The following GRIN2A variants were observed in gnomAD, a reference collection of about 807,000 sequenced individuals.
GRIN2A encodes the protein glutamate receptor ionotropic, NMDA 2A.
In GRIN2A, 22 loss-of-function variants were observed where a neutral mutation model predicts 113.4. The observed-to-expected ratio is 0.19, with a 90% CI of 0.14 to 0.28. The LOEUF (loss-of-function observed/expected upper bound fraction) is 0.28, where lower values mean the gene tolerates loss of function less well. Ranked by LOEUF, GRIN2A falls within the 10% of genes least tolerant of loss-of-function variation. GRIN2A has a pLI of 1.00. For synonymous variants in GRIN2A, 827 were observed against 738.4 expected, an observed-to-expected ratio of 1.12 and a Z score of -1.94; for missense variants, 1,502 against 1,887.0, an observed-to-expected ratio of 0.80 and a Z score of 3.78.
At chr16:10,087,320 G>C (rs542639130) in intron 2 of GRIN2A, among the ~76,000 whole-genome samples, 1 of 152,220 alleles carries the variant, frequency 6.6e-6, no homozygotes. Context: ...CCTCCCTACT[G>C]GACAATTGGA....
intron 10 of GRIN2A, among the ~76,000 whole-genome samples, chr16:9,805,272 T>C (rs144924205): frequency 1.3e-5 from 2 of 152,350 alleles, no homozygotes; most frequent in East Asian, 3.9e-4. Context: ...TATGCATGTT[T>C]GCAGATGCTC....
intron 11 of GRIN2A, among the ~76,000 whole-genome samples, chr16:9,773,576 TTTGGGGTTGCAG>T (rs1240001598): frequency 2.0e-5 from 3 of 152,092 alleles, no homozygotes; most frequent in Admixed American, 6.6e-5. Flanking sequence ...CCTGGGAAGT[TTTGGGGTTGCAG>T]TCAAACCACA....
At chr16:10,047,588 G>C (rs1757646746) in intron 2 of GRIN2A, among the ~76,000 whole-genome samples, 1 of 152,180 alleles carries the variant, frequency 6.6e-6, no homozygotes, top group South Asian at 2.1e-4. Context: ...TGCTCCACCT[G>C]AACTGCCTCA....
intron 2 of GRIN2A, among the ~76,000 whole-genome samples, chr16:9,945,807 A>T (rs1279647116): frequency 6.6e-6 from 1 of 152,136 alleles, no homozygotes; most frequent in African/African-American, 2.4e-5. Flanking sequence ...AACACTTGCT[A>T]GGTTATGACT....
At chr16:9,925,206 G>C (rs2044436012) in intron 3 of GRIN2A, among the ~76,000 whole-genome samples, 1 of 152,226 alleles carries the variant, frequency 6.6e-6, no homozygotes, top group African/African-American at 2.4e-5. Context: ...TTGTTAGGCA[G>C]AGTGAGAGCA....
At chr16:10,099,508 C>T (rs1297429286) in intron 2 of GRIN2A, among the ~76,000 whole-genome samples, 2 of 152,082 alleles carry the variant, frequency 1.3e-5, no homozygotes, top group Admixed American at 6.5e-5. Flanking sequence ...ACTAGTGTTC[C>T]CCTGGCTCAA....
chr16:9,920,461 T>G (rs1389171408), intron 3 of GRIN2A, among the ~76,000 whole-genome samples: 2 of 152,156 alleles, frequency 1.3e-5, no homozygotes, highest in Admixed American at 1.3e-4. Flanking sequence ...TAAACTCAAG[T>G]AAATAGCTAA....
chr16:10,052,482 G>A (rs1242330379), intron 2 of GRIN2A, among the ~76,000 whole-genome samples: 2 of 152,182 alleles, frequency 1.3e-5, no homozygotes, highest in Admixed American at 1.3e-4. Context: ...CAAGACCTAG[G>A]CCCTGTCCTT....
At chr16:9,838,624 T>G (rs967579789) in intron 7 of GRIN2A, among the ~76,000 whole-genome samples, 2 of 152,198 alleles carry the variant, frequency 1.3e-5, no homozygotes, top group African/African-American at 4.8e-5. Context: ...TGGGCTGATT[T>G]AAATTAACTG....
intron 2 of GRIN2A, among the ~76,000 whole-genome samples, chr16:10,088,060 C>T (rs1248848817): frequency 6.6e-6 from 1 of 152,048 alleles, no homozygotes; most frequent in Non-Finnish European, 1.5e-5. Context: ...CATGGGTTCT[C>T]ACCCTTTTGG....
intron 2 of GRIN2A, among the ~76,000 whole-genome samples, chr16:10,000,985 G>A (rs2141842365): frequency 1.3e-5 from 2 of 152,240 alleles, no homozygotes; most frequent in South Asian, 4.1e-4. Context: ...CTCCATCCCT[G>A]AGACCCATTA....
chr16:9,915,097 C>T (rs368592312), intron 3 of GRIN2A, among the ~76,000 whole-genome samples: 52 of 150,984 alleles, frequency 3.4e-4, no homozygotes, highest in Admixed American at 1.4e-3. Context: ...CCACTGCACC[C>T]GGCTAATTTT....
intron 4 of GRIN2A, among the ~76,000 whole-genome samples, chr16:9,850,812 T>G (rs2042870375): frequency 1.3e-5 from 2 of 152,190 alleles, no homozygotes; most frequent in South Asian, 4.2e-4. Context: ...GTCGGCATCT[T>G]AGTGCAATCA....
At chr16:10,063,673 T>C (rs771535149) in intron 2 of GRIN2A, among the ~76,000 whole-genome samples, 1 of 152,188 alleles carries the variant, frequency 6.6e-6, no homozygotes, top group Non-Finnish European at 1.5e-5. Context: ...GGATCTAAAT[T>C]ACATGTTACA....
At chr16:9,806,830 G>A (rs1024683101) in intron 10 of GRIN2A, among the ~76,000 whole-genome samples, 23 of 152,050 alleles carry the variant, frequency 1.5e-4, no homozygotes, top group Admixed American at 1.3e-3. Flanking sequence ...AGTGAGGACA[G>A]TGATATGGTT....
intron 2 of GRIN2A, among the ~76,000 whole-genome samples, chr16:10,155,242 G>A (rs546983369): frequency 2.6e-5 from 4 of 152,202 alleles, no homozygotes; most frequent in Non-Finnish European, 5.9e-5. Flanking sequence ...GCAGCCAGGA[G>A]TTTACATTTT....
chr16:10,162,857 A>T (rs1015098583), intron 2 of GRIN2A, among the ~76,000 whole-genome samples: 1 of 152,160 alleles, frequency 6.6e-6, no homozygotes, highest in Non-Finnish European at 1.5e-5. Context: ...GCCCATTTGA[A>T]AACCTCCATG....
intron 3 of GRIN2A, among the ~76,000 whole-genome samples, chr16:9,921,215 A>T (rs1260072803): frequency 2.0e-5 from 3 of 152,198 alleles, no homozygotes; most frequent in Admixed American, 6.5e-5. Context: ...GACAACATTA[A>T]CATTTTCAGA....
chr16:9,768,892 C>T lies in GRIN2A; in HGVS notation c.2554G>A (p.Val852Met), dbSNP rs150316865. 23 of 1,614,138 alleles carry T rather than the reference C, an allele frequency of 1.4e-5. No homozygotes were observed. The highest frequency in any genetic ancestry group is 6.7e-5 in the African/African-American group (5 of 75,056). The change falls in exon 12 of 13, where the codon GTG (valine) becomes ATG (methionine). Residue 852 changes from valine (V) to methionine (M), a missense_variant. By Grantham distance (21) the Val-to-Met change is conservative. This residue lies in a region of GRIN2A where 832 missense variants were observed against 789.7 expected (regional missense o/e 1.05). Transcript: ENST00000330684. The part of the protein sequence containing the change: ...YWKLRFCFTG[V>M]CSDRPGLLFS... ...AGCAACCCAGGCCGGTCGGAGCACACGCCCGTGAAACAGAAGCGCAGCTTC... is the reference window on the plus strand; with the variant it reads ...AGCAACCCAGGCCGGTCGGAGCACATGCCCGTGAAACAGAAGCGCAGCTTC...
Sources: gnomAD v4.1 joint callset for allele counts (sites outside exome capture counted in the v4.1 genomes callset) on GRCh38, gnomAD v4.1.1 for gene constraint, gnomAD v4.1.1 regional missense constraint, MANE v1.5 for transcripts, NCBI Gene and HGNC (gene_info 2026-07-23, HGNC 2026-07-21) for gene names.